ESCO2: variants seen among roughly 807,000 people sequenced by gnomAD.
ESCO2 encodes the protein N-acetyltransferase ESCO2.
In ESCO2, 51 loss-of-function variants were observed where a neutral mutation model predicts 61.7. The observed-to-expected ratio is 0.83, with a 90% CI of 0.66 to 1.04. The LOEUF (loss-of-function observed/expected upper bound fraction) is 1.04, where lower values mean the gene tolerates loss of function less well. Ranked by LOEUF, ESCO2 falls within the 50% of genes least tolerant of loss-of-function variation. The pLI, the probability that ESCO2 is intolerant of heterozygous loss-of-function variation, is 0.00. For synonymous variants in ESCO2, 230 were observed against 238.2 expected, an observed-to-expected ratio of 0.97 and a Z score of 0.32; for missense variants, 692 against 686.2, an observed-to-expected ratio of 1.01 and a Z score of -0.09.
chr8:27,779,415 T>C (rs1804873152), intron 3 of ESCO2: 1 of 152,216 alleles, frequency 6.6e-6, no homozygotes. Flanking sequence ...TCTGTCAGGA[T>C]TTTTTTCTAC....
upstream of ESCO2, chr8:27,772,498 G>A (rs1804664879): frequency 6.5e-7 from 1 of 1,549,942 alleles, no homozygotes; most frequent in Non-Finnish European, 8.7e-7. Context: ...CCAGGAGGAC[G>A]TGGCGCCCAC....
At chr8:27,789,488 CA>C (rs1403395091) in intron 7 of ESCO2, among the ~76,000 whole-genome samples, 2 of 152,064 alleles carry the variant, frequency 1.3e-5, no homozygotes, top group African/African-American at 2.4e-5. Context: ...CGTTTTAAAA[CA>C]TAAGTCTAGG....
chr8:27,813,060 T>A (rs1207828052), downstream of ESCO2, among the ~76,000 whole-genome samples: 1 of 152,178 alleles, frequency 6.6e-6, no homozygotes, highest in Non-Finnish European at 1.5e-5. Flanking sequence ...TAGCAAAGAC[T>A]TGGAACCAAC....
downstream of ESCO2, chr8:27,811,145 C>A: frequency 6.2e-7 from 1 of 1,613,362 alleles, no homozygotes; most frequent in Non-Finnish European, 8.5e-7. Context: ...CTGAAACAAG[C>A]AAGATGGTTA....
At chr8:27,812,031 G>A (rs1348179948), downstream of ESCO2, 4 of 152,044 alleles carry the variant, frequency 2.6e-5, no homozygotes, top group South Asian at 2.1e-4. Context: ...AACTGCAAAC[G>A]GGGACAGTTT....
chr8:27,797,122 A>G (rs1026484583), intron 9 of ESCO2, among the ~76,000 whole-genome samples: 33 of 146,590 alleles, frequency 2.3e-4, no homozygotes, highest in Non-Finnish European at 4.2e-4. Context: ...AAGAAAGAAA[A>G]AAAAAGTTCA....
In ESCO2 at chr8:27,804,919, ATTATT is replaced by A. The variant is rs1805528372; in HGVS notation, c.*1487_*1491del. 4 of 348,748 alleles carry A rather than the reference ATTATT, an allele frequency of 1.1e-5. No individual in the cohort carries two copies. The highest frequency in any genetic ancestry group is 1.6e-5 in the Non-Finnish European group (4 of 248,356). The allele number at this position is 348,748 out of a possible 1,614,324, so 21.6% of individuals were successfully genotyped here. A position where few individuals can be genotyped will look rare whatever the true frequency, so the allele number is the denominator to read the frequency against. On this transcript the variant is annotated 3_prime_UTR_variant, in exon 11 of 11. Transcript: ENST00000305188. ...TTTTATACAACTAAATCTGATTTTAATTATTTTATTATGAAAATAGTATATGTTAA... is the reference window on the plus strand; with the variant it reads ...TTTTATACAACTAAATCTGATTTTAATTATTATGAAAATAGTATATGTTAA...
downstream of ESCO2, chr8:27,812,580 G>A (rs1293980410): frequency 2.7e-5 from 4 of 149,732 alleles, no homozygotes; most frequent in African/African-American, 9.9e-5. Flanking sequence ...ATCTGACAAA[G>A]GGCTAATATC....
chr8:27,778,054 A>G (rs933349018), intron 3 of ESCO2: 1 of 152,244 alleles, frequency 6.6e-6, no homozygotes, highest in Non-Finnish European at 1.5e-5. Flanking sequence ...CTTGGCCTAC[A>G]TAATTTAAAA....
In ESCO2 at chr8:27,793,479, GTT is replaced by G. The variant is rs67670087; in HGVS notation, c.1497+684_1497+685del. 1.7e-3 allele frequency among the ~76,000 whole-genome samples: 217 copies of G among 125,502 alleles called. 2 individuals carry two copies. The highest frequency in any genetic ancestry group is 1.7e-3 in the Non-Finnish European group (102 of 59,516). The allele number at this position is 125,502 out of a possible 152,430, so 82.3% of individuals were successfully genotyped here. On this transcript the variant is annotated intron_variant, in intron 9 of 10. Coordinates refer to ENST00000305188, the MANE Select transcript of ESCO2 (RefSeq NM_001017420.3). ...TCTCCTTGCAATTTTCTTTTTCTTT[GTT>G]TTTTTTTTTTTTTTTCTTTTTTTGA...
intron 4 of ESCO2, among the ~76,000 whole-genome samples, chr8:27,783,706 G>A (rs1354864137): frequency 2.0e-5 from 3 of 152,216 alleles, no homozygotes; most frequent in Non-Finnish European, 4.4e-5. Context: ...CTCCTAAAGT[G>A]TTGGGATTAC....
intron 5 of ESCO2, among the ~76,000 whole-genome samples, chr8:27,786,561 AC>A (rs1563473913): frequency 2.0e-5 from 3 of 152,128 alleles, no homozygotes; most frequent in African/African-American, 7.2e-5. Flanking sequence ...GTTAGTCACA[AC>A]CCTCATTCTT....
At chr8:27,777,897 A>AC (rs1450144390) in intron 3 of ESCO2, 1 of 152,070 alleles carries the variant, frequency 6.6e-6, no homozygotes, top group African/African-American at 2.4e-5. Context: ...GTCTTTCCTA[A>AC]CCCACCTCTC....
chr8:27,806,459 T>C (rs565303754), downstream of ESCO2, among the ~76,000 whole-genome samples: 1 of 152,346 alleles, frequency 6.6e-6, no homozygotes, highest in East Asian at 1.9e-4. Flanking sequence ...CTTCGGTCTA[T>C]TATTGGACTT....
chr8:27,792,851 G>A, intron 9 of ESCO2, 40 bp downstream of exon 9: 1 of 1,539,198 alleles, frequency 6.5e-7, no homozygotes, highest in South Asian at 1.3e-5. Context: ...ATAATTTGCA[G>A]GCAAAATAAA....
upstream of ESCO2, chr8:27,772,620 G>T: frequency 6.3e-6 from 9 of 1,429,238 alleles, no homozygotes; most frequent in African/African-American, 2.8e-5. Flanking sequence ...GACTCGCGGC[G>T]GCCGCCTGGC....
In ESCO2 at chr8:27,776,813, C is replaced by G; in HGVS notation, c.505C>G (p.Arg169Gly). Residue 169 changes from arginine to glycine, a missense_variant, in exon 3 of 11, where the codon CGA becomes GGA. Physicochemically the swap from Arg to Gly is moderately radical, Grantham distance 125 (BLOSUM62 -2). Coordinates refer to ENST00000305188, the MANE Select transcript of ESCO2 (RefSeq NM_001017420.3). ...SRNSRNSKQN[R>G]VIYKPIVEKE... Reference sequence around the variant, plus strand: ...GAATTCTAGAAATTCCAAGCAAAATCGAGTGATCTATAAGCCAATTGTGGA... The same window carrying G: ...GAATTCTAGAAATTCCAAGCAAAATGGAGTGATCTATAAGCCAATTGTGGA... 2 of 1,614,062 alleles carry G rather than the reference C, an allele frequency of 1.2e-6. No homozygotes were observed. The highest frequency in any genetic ancestry group is 1.7e-6 in the Non-Finnish European group (2 of 1,180,014).
downstream of ESCO2, chr8:27,811,889 T>C (rs183259803): frequency 1.3e-5 from 2 of 152,332 alleles, no homozygotes; most frequent in East Asian, 3.9e-4. Flanking sequence ...TATTTTGGGT[T>C]TTGGTACTTG....
intron 3 of ESCO2, chr8:27,778,255 G>A (rs1026160275): frequency 1.3e-5 from 2 of 152,002 alleles, no homozygotes; most frequent in African/African-American, 4.8e-5. Flanking sequence ...GATCAGTTTA[G>A]TTTTGATCAT....
Sources: allele counts gnomAD v4.1 joint callset (sites outside exome capture counted in the v4.1 genomes callset), GRCh38; gene constraint gnomAD v4.1.1; transcripts MANE v1.5; gene names NCBI Gene and HGNC (gene_info 2026-07-23, HGNC 2026-07-21).